PGS1: variants seen among roughly 807,000 people sequenced by gnomAD.
PGS1 encodes the protein CDP-diacylglycerol--glycerol-3-phosphate 3-phosphatidyltransferase, mitochondrial.
PGS1 carries 44 observed loss-of-function variants against 58.3 expected under a neutral mutation model. The ratio of observed to expected loss-of-function variants is 0.75; its 90% confidence interval spans 0.59 to 0.97. PGS1 has a LOEUF of 0.97. Among genes scored for constraint, PGS1 ranks in the 50% least tolerant of loss-of-function variants. PGS1 has a pLI of 0.00. For synonymous variants in PGS1, 330 were observed against 311.0 expected (o/e 1.06, Z -0.64); for missense variants, 684 against 731.1 (o/e 0.94, Z 0.74).
At chr17:78,395,366 G>A (rs1380585977) in intron 2 of PGS1, among the ~76,000 whole-genome samples, 3 of 152,096 alleles carry the variant, frequency 2.0e-5, no homozygotes, top group Admixed American at 6.6e-5. Context: ...TTCCTTGTCC[G>A]GAAGCCTTTC....
At chr17:78,407,779 G>A (rs4365353) in intron 7 of PGS1, among the ~76,000 whole-genome samples, 4,275 of 152,372 alleles carry the variant, frequency 0.028, 68 homozygotes, top group Non-Finnish European at 0.045. Flanking sequence ...GCTTCACGGA[G>A]TGACTGTGTT....
chr17:78,378,940 C>T, intron 1 of PGS1, 132 bp downstream of exon 1: 1 of 1,011,976 alleles, frequency 9.9e-7, no homozygotes, highest in Non-Finnish European at 1.3e-6. Context: ...CCATTTCTGC[C>T]TCCCGGGGCT....
At chr17:78,421,435 A>C (rs2138127) in intron 9 of PGS1, 1 of 152,254 alleles carries the variant, frequency 6.6e-6, no homozygotes, top group African/African-American at 2.4e-5. Flanking sequence ...AAGGTTGCAT[A>C]GGCTCACCTG....
chr17:78,402,931 C>T (rs1246037548), intron 6 of PGS1, among the ~76,000 whole-genome samples: 4 of 152,164 alleles, frequency 2.6e-5, no homozygotes, highest in African/African-American at 4.8e-5. Context: ...GTGTCTTGTC[C>T]GAATACAAAA....
rs569374996 is a variant in PGS1 at position 78,389,011 on chromosome 17, T to G, written c.144-3465T>G. Among the ~76,000 whole-genome samples, 3 of 150,646 alleles carry G rather than the reference T, an allele frequency of 2.0e-5. No individual in the cohort carries two copies. The South Asian group carries it at 6.3e-4, about 32-fold the overall frequency. On this transcript the variant is annotated intron_variant, in intron 1 of 9. Transcript: ENST00000262764. ...TAAGTTGAACAAGTTGAACTTGCCC[T>G]CTCCTGGGTTGCTATGTGCCAAGGA...
At chr17:78,423,185 C>T (rs2086078798) in intron 9 of PGS1, among the ~76,000 whole-genome samples, 1 of 151,894 alleles carries the variant, frequency 6.6e-6, no homozygotes. Flanking sequence ...CTCCCCTCAT[C>T]CCCCAGGTTG....
chr17:78,416,799 T>G (rs186618738), intron 8 of PGS1, among the ~76,000 whole-genome samples: 17 of 152,290 alleles, frequency 1.1e-4, no homozygotes, highest in Non-Finnish European at 2.1e-4. Flanking sequence ...CCTATGCTTA[T>G]ATACTGGGAC....
At chr17:78,385,783 G>A (rs1435200361) in intron 1 of PGS1, among the ~76,000 whole-genome samples, 1 of 152,180 alleles carries the variant, frequency 6.6e-6, no homozygotes, top group Admixed American at 6.5e-5. Context: ...TGCTCTCACT[G>A]TTTCAGTTTG....
chr17:78,414,219 G>A (rs771796916), intron 7 of PGS1, among the ~76,000 whole-genome samples: 3 of 152,188 alleles, frequency 2.0e-5, no homozygotes, highest in Non-Finnish European at 2.9e-5. Flanking sequence ...GGCACAGACG[G>A]CCTACCCAGG....
intron 1 of PGS1, among the ~76,000 whole-genome samples, chr17:78,384,398 G>GT (rs1180830571): frequency 6.6e-6 from 1 of 152,192 alleles, no homozygotes; most frequent in Non-Finnish European, 1.5e-5. Context: ...TGTTATGACT[G>GT]TTGCTTTTTC....
intron 1 of PGS1, among the ~76,000 whole-genome samples, chr17:78,390,727 C>T (rs1057164420): frequency 2.6e-5 from 4 of 152,054 alleles, no homozygotes; most frequent in African/African-American, 9.7e-5. Flanking sequence ...GTGTGCGGTC[C>T]CTCCACCCCC....
chr17:78,419,963 C>A, intron 9 of PGS1: 2 of 1,190,388 alleles, frequency 1.7e-6, no homozygotes, highest in South Asian at 1.7e-5. Flanking sequence ...TCTCCCTTCC[C>A]AGGGGGTCCT....
At chr17:78,420,029 C>T in intron 9 of PGS1, 3 of 1,135,308 alleles carry the variant, frequency 2.6e-6, no homozygotes, top group Non-Finnish European at 3.3e-6. Context: ...CAGATTGAGC[C>T]CCTCCAAGCT....
intron 7 of PGS1, 64 bp from the exon 8 acceptor site, chr17:78,414,815 T>G: frequency 6.4e-7 from 1 of 1,572,598 alleles, no homozygotes; most frequent in Non-Finnish European, 8.7e-7. Context: ...TGCAGCAGCG[T>G]GTGGAGAGGA....
At chr17:78,409,384 G>GAAAT (rs1285402955) in intron 7 of PGS1, among the ~76,000 whole-genome samples, 1 of 152,256 alleles carries the variant, frequency 6.6e-6, no homozygotes, top group Non-Finnish European at 1.5e-5. Context: ...TGCTGACAGG[G>GAAAT]AAATCTGTTA....
chr17:78,385,649 T>C (rs1378330630), intron 1 of PGS1, among the ~76,000 whole-genome samples: 1 of 152,216 alleles, frequency 6.6e-6, no homozygotes, highest in Non-Finnish European at 1.5e-5. Context: ...GGTCTTGAAC[T>C]CCTGACCTCA....
intron 1 of PGS1, among the ~76,000 whole-genome samples, chr17:78,389,876 A>G (rs563156657): frequency 8.7e-4 from 132 of 152,262 alleles, no homozygotes; most frequent in African/African-American, 3.1e-3. Context: ...TTGGCCTCCC[A>G]AAGTGCTAAG....
At chr17:78,411,514 CCT>C (rs1214708568) in intron 7 of PGS1, among the ~76,000 whole-genome samples, 1 of 152,196 alleles carries the variant, frequency 6.6e-6, no homozygotes, top group Admixed American at 6.5e-5. Flanking sequence ...TGCACCCTGC[CCT>C]CTCTGGCACC....
chr17:78,388,657 C>T (rs2082582884), intron 1 of PGS1, among the ~76,000 whole-genome samples: 1 of 151,982 alleles, frequency 6.6e-6, no homozygotes, highest in Non-Finnish European at 1.5e-5. Flanking sequence ...GTTTCTTCTG[C>T]TTACGTCCCT....
Sources: allele counts gnomAD v4.1 joint callset (sites outside exome capture counted in the v4.1 genomes callset), GRCh38; gene constraint gnomAD v4.1.1; transcripts MANE v1.5; gene names NCBI Gene and HGNC (gene_info 2026-07-23, HGNC 2026-07-21).